MKLN1: variants seen among roughly 807,000 people sequenced by gnomAD.
The protein encoded by MKLN1 is muskelin 1.
MKLN1 carries 18 observed loss-of-function variants against 99.0 expected under a neutral mutation model. That is an observed-to-expected ratio of 0.18 (90% CI 0.13 to 0.27). MKLN1 has a LOEUF of 0.27. Ranked by LOEUF, MKLN1 falls within the 10% of genes least tolerant of loss-of-function variation. MKLN1 has a pLI of 1.00. For missense variants in MKLN1, 621 were observed against 875.9 expected, an observed-to-expected ratio of 0.71 and a Z score of 3.67; for synonymous variants, 288 against 293.2, an observed-to-expected ratio of 0.98 and a Z score of 0.18.
rs373005534 is a variant in MKLN1, at chr7:131,430,957, C to G, written c.960+1812C>G. ...AAAAACAAGGCCGGGCACAGTGGCT[C>G]ATGCCTGTAATCCCAGCACTTCGGG... On this transcript the variant is annotated intron_variant, in intron 9 of 17. Transcript: ENST00000352689. Among the ~76,000 whole-genome samples, 11 of 152,254 alleles carry G rather than the reference C, an allele frequency of 7.2e-5. No individual in the cohort carries two copies. The East Asian group carries it at 7.7e-4, about 11-fold the overall frequency.
intron 3 of MKLN1, among the ~76,000 whole-genome samples, chr7:131,205,688 T>C (rs916766909): frequency 6.6e-6 from 1 of 152,112 alleles, no homozygotes; most frequent in African/African-American, 2.4e-5. Context: ...CTGGAGGAAC[T>C]GAGTTCCTTG....
intron 7 of MKLN1, among the ~76,000 whole-genome samples, chr7:131,414,071 AAATT>A (rs1323126483): frequency 6.6e-6 from 1 of 152,208 alleles, no homozygotes; most frequent in East Asian, 1.9e-4. Flanking sequence ...TATTGGCACA[AAATT>A]AATACATTAT....
At chr7:131,302,560 G>A (rs572528437) in intron 3 of MKLN1, among the ~76,000 whole-genome samples, 2 of 152,208 alleles carry the variant, frequency 1.3e-5, no homozygotes, top group South Asian at 4.2e-4. Context: ...TGTCAGCTTC[G>A]TTTAGATGTG....
At chr7:131,295,813 A>C (rs1361675087) in intron 3 of MKLN1, among the ~76,000 whole-genome samples, 1 of 150,928 alleles carries the variant, frequency 6.6e-6, no homozygotes, top group Non-Finnish European at 1.5e-5. Flanking sequence ...TGAGCTTGGG[A>C]GATGGAGGCT....
chr7:131,337,360 C>A (rs566835225), intron 1 of MKLN1, among the ~76,000 whole-genome samples: 21 of 152,042 alleles, frequency 1.4e-4, no homozygotes, highest in Non-Finnish European at 2.8e-4. Context: ...ACTTTTTATC[C>A]CCCATATGTC....
chr7:131,145,005 A>C (rs372687044), intron 2 of MKLN1, among the ~76,000 whole-genome samples: 1 of 151,846 alleles, frequency 6.6e-6, no homozygotes, highest in Non-Finnish European at 1.5e-5. Context: ...CCACAACAAC[A>C]ACAACAACAA....
intron 3 of MKLN1, among the ~76,000 whole-genome samples, chr7:131,221,940 C>T (rs1797066610): frequency 6.6e-6 from 1 of 152,052 alleles, no homozygotes; most frequent in Non-Finnish European, 1.5e-5. Context: ...GAGTGTTGCT[C>T]TGTCGCCCAG....
intron 3 of MKLN1, among the ~76,000 whole-genome samples, chr7:131,388,279 A>G (rs1794090349): frequency 1.3e-5 from 2 of 152,236 alleles, no homozygotes; most frequent in African/African-American, 4.8e-5. Flanking sequence ...AAAGTATTTC[A>G]GGAAATGTAA....
intron 1 of MKLN1, among the ~76,000 whole-genome samples, chr7:131,354,953 A>T (rs2116777694): frequency 6.6e-6 from 1 of 151,844 alleles, no homozygotes; most frequent in South Asian, 2.1e-4. Context: ...TTTATTTTTA[A>T]ATTTTTTGGT....
intron 3 of MKLN1, among the ~76,000 whole-genome samples, chr7:131,300,730 A>G (rs1028328899): frequency 1.3e-5 from 2 of 151,698 alleles, no homozygotes; most frequent in Admixed American, 6.6e-5. Context: ...AGAATGTGGA[A>G]TCTCTAGAGC....
At chr7:131,447,678 G>A (rs1371074103) in intron 12 of MKLN1, among the ~76,000 whole-genome samples, 3 of 152,132 alleles carry the variant, frequency 2.0e-5, no homozygotes, top group South Asian at 2.1e-4. Context: ...GCTAGACTAC[G>A]GACACAGTGG....
At chr7:131,395,785 A>G (rs1794342964) in intron 4 of MKLN1, among the ~76,000 whole-genome samples, 2 of 151,612 alleles carry the variant, frequency 1.3e-5, no homozygotes, top group African/African-American at 2.4e-5. Flanking sequence ...GATTGACATG[A>G]TGTTAAATTT....
chr7:131,479,009 T>C (rs1797045036), intron 17 of MKLN1: 4 of 235,014 alleles, frequency 1.7e-5, no homozygotes, highest in Admixed American at 5.7e-5. Flanking sequence ...ATAATACTTG[T>C]TGATTAAATA....
chr7:131,195,561 A>G (rs911589440), intron 2 of MKLN1, among the ~76,000 whole-genome samples: 6 of 152,160 alleles, frequency 3.9e-5, no homozygotes, highest in Non-Finnish European at 7.3e-5. Flanking sequence ...AGATGGGCTA[A>G]CAACTCTTTT....
At chr7:131,209,441 T>C (rs897201120) in intron 3 of MKLN1, among the ~76,000 whole-genome samples, 1 of 151,932 alleles carries the variant, frequency 6.6e-6, no homozygotes, top group African/African-American at 2.4e-5. Flanking sequence ...GTGTATGGGG[T>C]GTATGTGGAA....
intron 3 of MKLN1, among the ~76,000 whole-genome samples, chr7:131,209,007 A>T (rs1438985355): frequency 6.6e-6 from 1 of 152,202 alleles, no homozygotes; most frequent in Non-Finnish European, 1.5e-5. Flanking sequence ...TGACATTTGA[A>T]CAGTGATCTC....
intron 2 of MKLN1, among the ~76,000 whole-genome samples, chr7:131,163,823 C>T (rs1167842883): frequency 2.0e-5 from 3 of 152,278 alleles, no homozygotes; most frequent in African/African-American, 7.2e-5. Context: ...TTGTTAAATG[C>T]TATGACAATT....
chr7:131,204,584 C>T (rs943341233), intron 3 of MKLN1, among the ~76,000 whole-genome samples: 1 of 152,178 alleles, frequency 6.6e-6, no homozygotes, highest in Non-Finnish European at 1.5e-5. Flanking sequence ...GTAATCCCAG[C>T]ACATTGGGAG....
At chr7:131,238,789 C>T (rs1021490763) in intron 3 of MKLN1, among the ~76,000 whole-genome samples, 1 of 152,218 alleles carries the variant, frequency 6.6e-6, no homozygotes, top group South Asian at 2.1e-4. Flanking sequence ...GATTCTCCCA[C>T]CTTCACGTCT....
Sources: allele counts gnomAD v4.1 joint callset (sites outside exome capture counted in the v4.1 genomes callset), GRCh38; gene constraint gnomAD v4.1.1; transcripts MANE v1.5; gene names NCBI Gene and HGNC (gene_info 2026-07-23, HGNC 2026-07-21).